The following UGT2A2 variants were observed in gnomAD, a reference collection of about 807,000 sequenced individuals.
UGT2A2 encodes UDP-glucuronosyltransferase 2A2.
In UGT2A2, 60 loss-of-function variants were observed where a neutral mutation model predicts 50.7. The ratio of observed to expected loss-of-function variants is 1.18; its 90% CI spans 0.96 to 1.47. The LOEUF (loss-of-function observed/expected upper bound fraction) is 1.47. Among genes scored for constraint, UGT2A2 ranks in the 40% most tolerant of loss-of-function variants. The pLI is 0.00. For missense variants in UGT2A2, 762 were observed against 634.0 expected (o/e 1.20, Z -2.17); for synonymous variants, 242 against 214.6 (o/e 1.13, Z -1.11).
Position 69,593,753 on chromosome 4 carries a change from G to A in UGT2A2, c.1331+724C>T, listed in dbSNP as rs551415616. On this transcript the variant is annotated intron_variant, in intron 5 of 5. Coordinates refer to ENST00000604629, the MANE Select transcript of UGT2A2 (RefSeq NM_001105677.2). ...TGTGTGTATACATATACTAATTAAA[G>A]GTATCGAATGGTATATACTCAGTGT... 9.7e-4 allele frequency among the ~76,000 whole-genome samples: 147 copies of A among 151,448 alleles called. No individual in the cohort carries two copies. In the Middle Eastern group the frequency reaches 0.011, roughly 11 times the overall value.
chr4:69,607,738 A>C (rs1023079158), intron 1 of UGT2A2, among the ~76,000 whole-genome samples: 1 of 152,000 alleles, frequency 6.6e-6, no homozygotes, highest in Non-Finnish European at 1.5e-5. Flanking sequence ...AAACAAACAA[A>C]CCCATCAACA....
intron 1 of UGT2A2, among the ~76,000 whole-genome samples, chr4:69,608,426 G>T (rs1719809308): frequency 7.2e-6 from 1 of 138,148 alleles, no homozygotes; most frequent in Admixed American, 7.6e-5. Flanking sequence ...GTTGTGGGGT[G>T]GGGGGAGGGG....
intron 3 of UGT2A2, 54 bp from the exon 4 acceptor site, chr4:69,595,303 A>C: frequency 6.3e-7 from 1 of 1,586,864 alleles, no homozygotes; most frequent in Non-Finnish European, 8.6e-7. Flanking sequence ...AGGACATTTT[A>C]AGTTGGGAGA....
rs895619487 is a variant in UGT2A2 at position 69,637,924 on chromosome 4, C to T, written c.742+975G>A. Among the ~76,000 whole-genome samples the T allele has an allele frequency of 7.5e-5, 10 of 133,412 alleles. No individual in the cohort carries two copies. The South Asian group carries it at 1.4e-3, about 18-fold the overall frequency. The allele number at this position is 133,412 out of a possible 152,430, so 87.5% of individuals were successfully genotyped here. On this transcript the variant is annotated intron_variant, in intron 1 of 5. Transcript: ENST00000604629. The stretch of plus-strand genomic sequence containing the variant: ...GCAAGAAGGAAGGCAGGCAGGCAGG[C>T]AGGCAGGAAGGAAGGAAGGAAAGAA...
intron 1 of UGT2A2, among the ~76,000 whole-genome samples, chr4:69,611,494 T>C (rs1720047032): frequency 6.6e-6 from 1 of 152,054 alleles, no homozygotes; most frequent in Non-Finnish European, 1.5e-5. Flanking sequence ...AGGTTCATAA[T>C]ATATTATGAA....
At chr4:69,616,623 G>A (rs1480728551) in intron 1 of UGT2A2, among the ~76,000 whole-genome samples, 1 of 151,770 alleles carries the variant, frequency 6.6e-6, no homozygotes, top group Non-Finnish European at 1.5e-5. Flanking sequence ...AAAGCCACTG[G>A]CTTACCCATT....
chr4:69,594,204 G>C (rs1481783826), intron 5 of UGT2A2, among the ~76,000 whole-genome samples: 2 of 151,872 alleles, frequency 1.3e-5, no homozygotes, highest in Non-Finnish European at 2.9e-5. Flanking sequence ...TCGATCTCCG[G>C]ACCTTGTGAT....
Position 69,589,476 on chromosome 4 carries a change from A to C in UGT2A2, c.1507T>G (p.Phe503Val), listed in dbSNP as rs751725412. 9.3e-6 allele frequency: 15 copies of C among 1,614,140 alleles called. No homozygotes were observed. The East Asian group carries it at 3.3e-4, about 36-fold the overall frequency. The change falls in exon 6 of 6, where the codon TTC becomes GTC. Residue 503 changes from phenylalanine to valine, a missense_variant. Physicochemically the swap from Phe to Val is conservative, Grantham distance 50. Coordinates refer to ENST00000604629, the MANE Select transcript of UGT2A2 (RefSeq NM_001105677.2). ...FQYHSLDVIGFLLVCVTTAIF... is the reference protein window; with the variant it reads ...FQYHSLDVIGVLLVCVTTAIF... ...GCCGTTGTCACACAGACCAGCAAGAACCCAATTACATCCAAAGAGTGGTAC... is the reference window on the plus strand; with the variant it reads ...GCCGTTGTCACACAGACCAGCAAGACCCCAATTACATCCAAAGAGTGGTAC...
chr4:69,634,043 A>C lies in UGT2A2; in HGVS notation c.742+4856T>G, dbSNP rs534035179. ...GGCGGATCAGGAGCTCAGGAGATCG[A>C]GACCATCCTGGCTAACATGGTGAAA... On this transcript the variant is annotated intron_variant, in intron 1 of 5. Coordinates refer to ENST00000604629, the MANE Select transcript of UGT2A2 (RefSeq NM_001105677.2). 7.9e-5 allele frequency among the ~76,000 whole-genome samples: 12 copies of C among 152,192 alleles called. No individual in the cohort carries two copies. The South Asian group carries it at 2.3e-3, about 29-fold the overall frequency.
chr4:69,601,449 T>C (rs990685951), intron 1 of UGT2A2, among the ~76,000 whole-genome samples: 1 of 152,150 alleles, frequency 6.6e-6, no homozygotes, highest in African/African-American at 2.4e-5. Flanking sequence ...ACCACTACAA[T>C]TGGAGCTCTT....
intron 1 of UGT2A2, among the ~76,000 whole-genome samples, chr4:69,626,192 T>A (rs895841083): frequency 6.6e-6 from 1 of 151,480 alleles, no homozygotes; most frequent in African/African-American, 2.4e-5. Flanking sequence ...CGCTTTGATC[T>A]GGTAGAGAGA....
intron 3 of UGT2A2, 82 bp downstream of exon 3, chr4:69,596,168 T>C (rs1718913021): frequency 3.6e-6 from 5 of 1,370,370 alleles, no homozygotes; most frequent in Non-Finnish European, 4.7e-6. Context: ...AGTTTTGATT[T>C]TCATATGGAA....
intron 1 of UGT2A2, among the ~76,000 whole-genome samples, chr4:69,611,351 C>G (rs1272982789): frequency 7.0e-6 from 1 of 143,012 alleles, no homozygotes; most frequent in African/African-American, 2.6e-5. Flanking sequence ...CAACAAAATA[C>G]AGCAGGGTCA....
chr4:69,598,203 C>A (rs1396277992), intron 2 of UGT2A2, among the ~76,000 whole-genome samples: 2 of 151,982 alleles, frequency 1.3e-5, no homozygotes, highest in East Asian at 3.9e-4. Context: ...TTTTTAGAAT[C>A]CTGAAATAAA....
chr4:69,602,926 G>A (rs1045075491), intron 1 of UGT2A2, among the ~76,000 whole-genome samples: 1 of 134,796 alleles, frequency 7.4e-6, no homozygotes, highest in Non-Finnish European at 1.6e-5. Context: ...AAATTAGCCG[G>A]GCGTGGTGGC....
chr4:69,616,617 C>G (rs1720403546), intron 1 of UGT2A2, among the ~76,000 whole-genome samples: 1 of 151,846 alleles, frequency 6.6e-6, no homozygotes, highest in Admixed American at 6.6e-5. Context: ...TCCTGTAAAG[C>G]CACTGGCTTA....
chr4:69,604,413 G>A lies in UGT2A2; in HGVS notation c.743-5019C>T, dbSNP rs1451618682. ...CCAGGCCCGCCCTAAAAGAGCTCCT[G>A]AAGGAAGCACTAAACATAGAAAGGA... On this transcript the variant is annotated intron_variant, in intron 1 of 5. Transcript: ENST00000604629. Among the ~76,000 whole-genome samples the A allele has an allele frequency of 1.5e-5, 2 of 136,784 alleles. 1 individual carries two copies. The highest frequency in any genetic ancestry group is 3.1e-5 in the Non-Finnish European group (2 of 64,306). 89.7% of individuals were successfully genotyped at this position (136,784 alleles called of 152,430 possible).
intron 1 of UGT2A2, among the ~76,000 whole-genome samples, chr4:69,610,533 G>C (rs896602691): frequency 8.5e-5 from 13 of 152,158 alleles, no homozygotes; most frequent in African/African-American, 3.1e-4. Flanking sequence ...TAAATAATCT[G>C]TTTTAAAAAT....
intron 5 of UGT2A2, among the ~76,000 whole-genome samples, chr4:69,590,423 T>C (rs1352357963): frequency 1.3e-5 from 2 of 152,222 alleles, no homozygotes; most frequent in African/African-American, 4.8e-5. Flanking sequence ...TTTCCCTAGT[T>C]GTTAAACCAA....
Sources: allele counts gnomAD v4.1 joint callset (sites outside exome capture counted in the v4.1 genomes callset), GRCh38; gene constraint gnomAD v4.1.1; transcripts MANE v1.5; gene names NCBI Gene and HGNC (gene_info 2026-07-23, HGNC 2026-07-21).